Variants in MAPK4 observed in about 807,000 individuals in gnomAD.
MAPK4 encodes Erk3-related.
MAPK4 carries 22 observed loss-of-function variants against 47.7 expected under a neutral mutation model. The ratio of observed to expected loss-of-function variants is 0.46; its 90% CI spans 0.33 to 0.66. The LOEUF is 0.66. Among genes scored for constraint, MAPK4 ranks in the 30% least tolerant of loss-of-function variants. The pLI is 0.02. For synonymous variants in MAPK4, 390 were observed against 365.7 expected (o/e 1.07, Z -0.76); for missense variants, 736 against 831.7 (o/e 0.88, Z 1.42).
chr18:50,575,669 A>G (rs2042288080), intron 1 of MAPK4, among the ~76,000 whole-genome samples: 1 of 152,126 alleles, frequency 6.6e-6, no homozygotes, highest in Admixed American at 6.5e-5. Context: ...CTGCACAGCA[A>G]AAGAAACTAT....
intron 2 of MAPK4, chr18:50,705,895 T>G (rs1221731688): frequency 4.6e-5 from 7 of 152,244 alleles, no homozygotes; most frequent in Admixed American, 3.3e-4. Context: ...ATCCATTTGT[T>G]TGTTCAGCTG....
intron 4 of MAPK4, among the ~76,000 whole-genome samples, chr18:50,725,671 A>G (rs1192001387): frequency 2.0e-5 from 3 of 151,938 alleles, no homozygotes; most frequent in Non-Finnish European, 4.4e-5. Flanking sequence ...CTACAACCCT[A>G]AGCCTTGTCT....
chr18:50,680,888 A>G (rs760832639), intron 2 of MAPK4, among the ~76,000 whole-genome samples: 2 of 152,172 alleles, frequency 1.3e-5, no homozygotes, highest in African/African-American at 4.8e-5. Flanking sequence ...GCTGCCATGA[A>G]CATTCATGTA....
chr18:50,729,472 C>A lies in MAPK4; in HGVS notation c.1382C>A (p.Ser461Ter). ...GAGCCCAAGCTCATCCTGGACCTGT[C>A]GCACTGGAAGCAGGCGGCCGGCGCG... ...YSEPKLILDL[S>*]HWKQAAGAPP... The change falls in exon 6 of 6, where the codon TCG becomes TAG. Residue 461 changes from serine (S) to a stop codon, truncating the protein, a stop_gained. Transcript: ENST00000400384. LOFTEE classifies it high-confidence loss of function. 1 of 1,493,996 alleles carries A rather than the reference C, an allele frequency of 6.7e-7. No individual in the cohort carries two copies. Among genetic ancestry groups the A allele is most frequent in the Middle Eastern group, 1.7e-4 (1 of 5,732 alleles). The allele number at this position is 1,493,996 out of a possible 1,614,324, so 92.5% of individuals were successfully genotyped here.
chr18:50,672,125 C>G (rs1907988897), intron 2 of MAPK4, among the ~76,000 whole-genome samples: 1 of 152,088 alleles, frequency 6.6e-6, no homozygotes, highest in African/African-American at 2.4e-5. Context: ...ATTCAGGTCT[C>G]CATAGTGCAG....
intron 1 of MAPK4, among the ~76,000 whole-genome samples, chr18:50,585,643 A>T (rs952008878): frequency 1.3e-5 from 2 of 152,214 alleles, no homozygotes; most frequent in African/African-American, 4.8e-5. Context: ...CACTAAGGCT[A>T]TACTTGATCA....
chr18:50,601,877 A>G (rs1329067370), intron 1 of MAPK4, among the ~76,000 whole-genome samples: 2 of 152,124 alleles, frequency 1.3e-5, no homozygotes, highest in African/African-American at 4.8e-5. Context: ...AGCTCATTGC[A>G]AGGGCTTTAT....
chr18:50,717,883 C>G (rs555580579), intron 3 of MAPK4, among the ~76,000 whole-genome samples: 1 of 152,338 alleles, frequency 6.6e-6, no homozygotes, highest in East Asian at 1.9e-4. Context: ...CCTGTCAAAG[C>G]CCCTGGCTCT....
At chr18:50,683,357 G>T (rs983026555) in intron 2 of MAPK4, among the ~76,000 whole-genome samples, 9 of 151,622 alleles carry the variant, frequency 5.9e-5, no homozygotes, top group Non-Finnish European at 1.0e-4. Context: ...TCCTGACCTC[G>T]AGTGATCCGC....
At chr18:50,712,547 A>AG (rs1395494308) in intron 2 of MAPK4, among the ~76,000 whole-genome samples, 1 of 149,532 alleles carries the variant, frequency 6.7e-6, no homozygotes, top group Non-Finnish European at 1.5e-5. Flanking sequence ...TTTTTCATTA[A>AG]AAAAAAAAAA....
At chr18:50,697,467 T>C (rs541169264) in intron 2 of MAPK4, among the ~76,000 whole-genome samples, 15 of 152,208 alleles carry the variant, frequency 9.9e-5, no homozygotes, top group Non-Finnish European at 1.9e-4. Context: ...ATGTAAAGTG[T>C]TAACACAGTG....
At position 50,593,904 on chromosome 18, in the gene MAPK4, G is replaced by A. The variant is rs529572525; in HGVS notation, c.-871+33661G>A. Among the ~76,000 whole-genome samples, 40 of 152,268 alleles carry A rather than the reference G, an allele frequency of 2.6e-4. No individual in the cohort carries two copies. The East Asian group carries it at 6.2e-3, about 24-fold the overall frequency. ...GAATTGGCTCACACAATCACAAGGC[G>A]AAGTCCCGCGACAAACTGTCTGCAA... On this transcript the variant is annotated intron_variant, in intron 1 of 5. Transcript: ENST00000400384.
intron 1 of MAPK4, among the ~76,000 whole-genome samples, chr18:50,626,538 T>G (rs6508018): frequency 1 from 152,115 of 152,304 alleles, 75,964 homozygotes; most frequent in Middle Eastern, 1. Flanking sequence ...GGCCCAAGGG[T>G]TCATCAAGGT....
At chr18:50,686,473 A>C (rs1217799995) in intron 2 of MAPK4, among the ~76,000 whole-genome samples, 3 of 152,190 alleles carry the variant, frequency 2.0e-5, no homozygotes, top group African/African-American at 4.8e-5. Flanking sequence ...ATTCTTTACA[A>C]TGGTGCGTCC....
chr18:50,719,562 C>T (rs529921332), intron 3 of MAPK4, among the ~76,000 whole-genome samples: 2 of 152,290 alleles, frequency 1.3e-5, no homozygotes, highest in African/African-American at 4.8e-5. Flanking sequence ...AGCCACTAAA[C>T]CCTGGATGGC....
chr18:50,717,467 C>T (rs1250238834), intron 3 of MAPK4, among the ~76,000 whole-genome samples: 4 of 152,138 alleles, frequency 2.6e-5, no homozygotes, highest in Admixed American at 6.5e-5. Context: ...GGCTACCCCA[C>T]ACTTCCATGT....
intron 2 of MAPK4, among the ~76,000 whole-genome samples, chr18:50,684,418 C>T (rs1022659020): frequency 1.3e-5 from 2 of 151,824 alleles, no homozygotes; most frequent in African/African-American, 2.4e-5. Flanking sequence ...TGGTGGCGTG[C>T]ACCTGTAGTC....
chr18:50,614,769 C>T (rs1380897240), intron 1 of MAPK4, among the ~76,000 whole-genome samples: 1 of 152,152 alleles, frequency 6.6e-6, no homozygotes, highest in Non-Finnish European at 1.5e-5. Flanking sequence ...ATATGTAACT[C>T]TTGTGGTTAT....
chr18:50,577,075 A>G (rs758300863), intron 1 of MAPK4, among the ~76,000 whole-genome samples: 4 of 152,164 alleles, frequency 2.6e-5, no homozygotes, highest in East Asian at 1.9e-4. Context: ...CCTATAAAAT[A>G]TTGATGTCTG....
Sources: gnomAD v4.1 joint callset for allele counts (sites outside exome capture counted in the v4.1 genomes callset) on GRCh38, gnomAD v4.1.1 for gene constraint, MANE v1.5 for transcripts, NCBI Gene and HGNC (gene_info 2026-07-23, HGNC 2026-07-21) for gene names.